The following SLC16A5 variants were observed in gnomAD, a reference collection of about 807,000 sequenced individuals.
The protein encoded by SLC16A5 is solute carrier family 16 member 5.
A neutral mutation model predicts 33.2 loss-of-function variants in SLC16A5; 29 were observed. The observed-to-expected ratio is 0.87, with a 90% CI of 0.65 to 1.19. SLC16A5 has a LOEUF of 1.19. SLC16A5 is among the 50% of genes most tolerant of loss of function. SLC16A5 has a pLI of 0.00. For missense variants in SLC16A5, 606 were observed against 678.2 expected (o/e 0.89, Z 1.18); for synonymous variants, 248 against 284.1 (o/e 0.87, Z 1.28).
At chr17:75,092,832 T>A (rs1388279088) in intron 2 of SLC16A5, among the ~76,000 whole-genome samples, 2 of 139,826 alleles carry the variant, frequency 1.4e-5, no homozygotes, top group South Asian at 2.3e-4. Context: ...CGTGTGTGTG[T>A]GTGTGTGTGT....
chr17:75,106,202 G>A, downstream of SLC16A5: 1 of 453,802 alleles, frequency 2.2e-6, no homozygotes, highest in East Asian at 3.4e-5. Flanking sequence ...TCTTCCGGTT[G>A]AAAAGTCTGA....
At chr17:75,091,682 G>A (rs1033461066) in intron 2 of SLC16A5, among the ~76,000 whole-genome samples, 1 of 152,196 alleles carries the variant, frequency 6.6e-6, no homozygotes, top group Admixed American at 6.5e-5. Context: ...CATATTTCTG[G>A]TAGATGTCCG....
chr17:75,104,566 C>A, intron 6 of SLC16A5: 1 of 674,572 alleles, frequency 1.5e-6, no homozygotes, highest in Non-Finnish European at 1.8e-6. Flanking sequence ...ATTCTCCTGC[C>A]TCTGCCCCCC....
intron 2 of SLC16A5, among the ~76,000 whole-genome samples, chr17:75,091,116 G>A (rs2073631991): frequency 6.6e-6 from 1 of 152,172 alleles, no homozygotes; most frequent in African/African-American, 2.4e-5. Flanking sequence ...CCAGGGCTAG[G>A]TGGCAGGGAA....
At position 75,100,790 on chromosome 17, in the gene SLC16A5, C is replaced by G. The variant is rs776344827; in HGVS notation, c.1127C>G (p.Ala376Gly). The G allele has an allele frequency of 5.0e-6, 8 of 1,604,144 alleles. No individual in the cohort carries two copies. In the East Asian group the frequency reaches 1.6e-4, roughly 32 times the overall value. ...CTCTTCACTGTCCTGGACGGCCTTG[C>G]TTTCCTCATCTCCCCACCACTGGCC... ...LGLFTVLDGL[A>G]FLISPPLAGL... The change falls in exon 5 of 7, where the codon GCT becomes GGT. Residue 376 changes from alanine (A) to glycine (G), a missense_variant. Ala to Gly is a moderately conservative substitution (Grantham distance 60, BLOSUM62 0). Transcript: ENST00000329783.
At chr17:75,105,855 CAGG>C in intron 6 of SLC16A5, 22 bp from the exon 7 acceptor site, 2 of 1,559,554 alleles carry the variant, frequency 1.3e-6, no homozygotes, top group South Asian at 1.2e-5. Flanking sequence ...AAAACCTTAT[CAGG>C]AGATTTTATT....
In SLC16A5 at chr17:75,100,381, G is replaced by A. The variant is rs201077653; in HGVS notation, c.718G>A (p.Val240Met). The change falls in exon 5 of 7, where the codon GTG (valine) becomes ATG (methionine). Residue 240 changes from valine (V) to methionine (M), a missense_variant. Val to Met is a conservative substitution (Grantham distance 21). Transcript: ENST00000329783. ...CCTGCGGCACAACACAGGCTACTGC[G>A]TGTACATACTGGGTGTGATGTGGTC... ...DILRHNTGYC[V>M]YILGVMWSVL... The A allele has an allele frequency of 1.1e-5, 17 of 1,614,094 alleles. No homozygotes were observed. Among genetic ancestry groups the A allele is most frequent in the East Asian group, 2.2e-5 (1 of 44,888 alleles).
At chr17:75,091,971 G>T (rs1461219477) in intron 2 of SLC16A5, among the ~76,000 whole-genome samples, 2 of 151,998 alleles carry the variant, frequency 1.3e-5, no homozygotes, top group African/African-American at 4.8e-5. Context: ...AGTGGCCTGG[G>T]TGGTGTTGAA....
intron 5 of SLC16A5, among the ~76,000 whole-genome samples, chr17:75,103,325 A>G (rs923031317): frequency 3.8e-5 from 5 of 130,806 alleles, no homozygotes; most frequent in Non-Finnish European, 4.8e-5. Flanking sequence ...TGCCCATCCA[A>G]GGGAATTCTT....
chr17:75,091,919 G>A (rs2073642255), intron 2 of SLC16A5, among the ~76,000 whole-genome samples: 1 of 152,194 alleles, frequency 6.6e-6, no homozygotes, highest in South Asian at 2.1e-4. Flanking sequence ...GGGGACCTTG[G>A]GACTTTGGAG....
intron 3 of SLC16A5, among the ~76,000 whole-genome samples, chr17:75,096,521 CTTGCTTTTTTCT>C (rs1363236370): frequency 6.7e-6 from 1 of 149,196 alleles, no homozygotes; most frequent in African/African-American, 2.5e-5. Context: ...TAGTCTGTCA[CTTGCTTTTTTCT>C]TTTTTTTTTT....
In SLC16A5 at chr17:75,106,154, AAAAG is replaced by A. The variant is rs1371340339; in HGVS notation, c.*125_*128del. On this transcript the variant is annotated 3_prime_UTR_variant, in exon 7 of 7. Transcript: ENST00000329783. The stretch of plus-strand genomic sequence containing the variant: ...GCAAAATAATAAAATTTAATTTTAA[AAAAG>A]AAAACGTAGGAGGTTGGTTTGGATG... 6 of 524,578 alleles carry A rather than the reference AAAAG, an allele frequency of 1.1e-5. No individual in the cohort carries two copies. Among genetic ancestry groups the A allele is most frequent in the Non-Finnish European group, 2.0e-5 (6 of 299,958 alleles). The allele number at this position is 524,578 out of a possible 1,614,324, so 32.5% of individuals were successfully genotyped here.
intron 2 of SLC16A5, among the ~76,000 whole-genome samples, chr17:75,092,080 CTG>C (rs976143591): frequency 6.6e-6 from 1 of 150,856 alleles, no homozygotes; most frequent in African/African-American, 2.4e-5. Flanking sequence ...CATGTCTGCA[CTG>C]TGTGTGTCCG....
intron 2 of SLC16A5, chr17:75,090,465 T>TTC (rs201089268): frequency 7.0e-6 from 1 of 142,486 alleles, no homozygotes; most frequent in Non-Finnish European, 1.6e-5. Context: ...TTCTTTTCTT[T>TTC]TTTTTTTTTT....
At chr17:75,088,203 C>G (rs2073593118) in intron 1 of SLC16A5, among the ~76,000 whole-genome samples, 159 bp downstream of exon 1, 1 of 152,234 alleles carries the variant, frequency 6.6e-6, no homozygotes, top group Non-Finnish European at 1.5e-5. Context: ...TGTCCTGGTT[C>G]TGGGCTGCCC....
intron 5 of SLC16A5, among the ~76,000 whole-genome samples, chr17:75,102,240 C>G (rs1229329772): frequency 1.3e-5 from 2 of 152,174 alleles, no homozygotes; most frequent in Non-Finnish European, 2.9e-5. Flanking sequence ...AACCCCATCT[C>G]TACTAAAAAT....
rs767613118 is a variant in SLC16A5 at position 75,100,816 on chromosome 17, G to A, written c.1153G>A (p.Gly385Arg). The stretch of plus-strand genomic sequence containing the variant: ...TTTCCTCATCTCCCCACCACTGGCC[G>A]GTGAGGAGCTGGGAGGGAGGGCAGC... ...LAFLISPPLA[G>R]LLLDATNNFS... The change falls in exon 5 of 7, where the codon GGG becomes AGG. Residue 385 changes from glycine (G) to arginine (R), a missense_variant and splice_region_variant. Coordinates refer to ENST00000329783, the MANE Select transcript of SLC16A5 (RefSeq NM_004695.4). 1.1e-5 allele frequency: 18 copies of A among 1,581,656 alleles called. No individual in the cohort carries two copies. Among genetic ancestry groups the A allele is most frequent in the South Asian group, 9.0e-5 (8 of 88,820 alleles).
At chr17:75,105,773 C>T (rs12602404) in intron 6 of SLC16A5, 107 bp from the exon 7 acceptor site, 2 of 1,429,386 alleles carry the variant, frequency 1.4e-6, no homozygotes, top group East Asian at 5.1e-5. Flanking sequence ...CCTTCCTTTC[C>T]TCCTAGCTCA....
At chr17:75,091,974 G>A (rs1201243696) in intron 2 of SLC16A5, among the ~76,000 whole-genome samples, 1 of 151,994 alleles carries the variant, frequency 6.6e-6, no homozygotes, top group Non-Finnish European at 1.5e-5. Context: ...GGCCTGGGTG[G>A]TGTTGAACTA....
Sources: allele counts gnomAD v4.1 joint callset (sites outside exome capture counted in the v4.1 genomes callset), GRCh38; gene constraint gnomAD v4.1.1; transcripts MANE v1.5; gene names NCBI Gene and HGNC (gene_info 2026-07-23, HGNC 2026-07-21).